Variants in CHIC2 observed in about 807,000 individuals in gnomAD.
The protein encoded by CHIC2 is cysteine-rich hydrophobic domain-containing protein 2.
Under a neutral mutation model 25.9 loss-of-function variants are expected in CHIC2, and 14 were observed. The ratio of observed to expected loss-of-function variants is 0.54; its 90% confidence interval spans 0.36 to 0.85. The LOEUF is 0.85. Among genes scored for constraint, CHIC2 ranks in the 40% least tolerant of loss-of-function variants. The probability of loss-of-function intolerance (pLI) is 0.01; values close to 1 mark genes in which losing one functional copy is unlikely to be tolerated. For synonymous variants in CHIC2, 70 were observed against 72.0 expected (o/e 0.97, Z 0.14); for missense variants, 146 against 202.0 (o/e 0.72, Z 1.68).
the CHIC2 span, among the ~76,000 whole-genome samples, chr4:54,084,454 T>G: frequency 6.6e-6 from 1 of 151,754 alleles, no homozygotes; most frequent in Non-Finnish European, 1.5e-5. Context: ...GCCCATATTG[T>G]TTGGAATCTA....
At chr4:54,049,198 GA>G (rs1716928189) in intron 2 of CHIC2, 52 bp downstream of exon 2, 8 of 1,564,672 alleles carry the variant, frequency 5.1e-6, no homozygotes, top group Non-Finnish European at 6.9e-6. Context: ...AATTTTCTCA[GA>G]AAAAAACTTT....
the CHIC2 span, among the ~76,000 whole-genome samples, chr4:54,078,309 C>A: frequency 6.6e-6 from 1 of 152,132 alleles, no homozygotes. Flanking sequence ...TTGAACAGAG[C>A]AGTCCAGTCA....
At chr4:54,069,915 T>G in the CHIC2 span, among the ~76,000 whole-genome samples, 1 of 152,184 alleles carries the variant, frequency 6.6e-6, no homozygotes, top group South Asian at 2.1e-4. Flanking sequence ...CCCCTGCCTT[T>G]GTGAGCATGA....
At chr4:54,026,974 A>C (rs1716080409) in intron 3 of CHIC2, among the ~76,000 whole-genome samples, 2 of 152,344 alleles carry the variant, frequency 1.3e-5, no homozygotes, top group East Asian at 3.9e-4. Context: ...GACAAATAAC[A>C]TATGTATGAC....
chr4:54,041,570 T>G (rs1188066774), intron 3 of CHIC2, among the ~76,000 whole-genome samples: 1 of 152,166 alleles, frequency 6.6e-6, no homozygotes, highest in Admixed American at 6.5e-5. Context: ...TATCATATCA[T>G]TATTATCATG....
chr4:54,073,022 C>T, the CHIC2 span, among the ~76,000 whole-genome samples: 3 of 151,876 alleles, frequency 2.0e-5, no homozygotes, highest in South Asian at 6.2e-4. Context: ...GAGCCGAGAT[C>T]GTGCCACTGC....
In CHIC2 at chr4:54,064,332, C is replaced by G. The variant is rs1164090834; in HGVS notation, c.-32G>C. The G allele has an allele frequency of 1.9e-6, 3 of 1,611,952 alleles. No homozygotes were observed. Among genetic ancestry groups the G allele is most frequent in the Non-Finnish European group, 1.7e-6 (2 of 1,179,030 alleles). On this transcript the variant is annotated 5_prime_UTR_variant, in exon 1 of 6. Coordinates refer to ENST00000263921, the MANE Select transcript of CHIC2 (RefSeq NM_012110.4). This position sits in a 1 kb window ranked among gnomAD's most constrained non-coding sequence, Gnocchi z 4.2. Reference sequence around the variant, plus strand: ...CCTCCGAGCTCCCCTGCCCAAAGGGCCTGACTCCCGGGGTTGGCGCCGGGG... The same window carrying G: ...CCTCCGAGCTCCCCTGCCCAAAGGGGCTGACTCCCGGGGTTGGCGCCGGGG...
At chr4:54,024,772 C>A (rs1158689624) in intron 3 of CHIC2, among the ~76,000 whole-genome samples, 1 of 152,206 alleles carries the variant, frequency 6.6e-6, no homozygotes, top group Non-Finnish European at 1.5e-5. Flanking sequence ...GTCCTCCCAA[C>A]TCTCAGTCCT....
At chr4:54,054,054 T>C (rs576149675) in intron 1 of CHIC2, among the ~76,000 whole-genome samples, 2 of 152,292 alleles carry the variant, frequency 1.3e-5, no homozygotes, top group Admixed American at 1.3e-4. Context: ...TCCCAAAGTA[T>C]TGGGATTACA....
chr4:54,012,820 T>A (rs1715634108), intron 5 of CHIC2, among the ~76,000 whole-genome samples: 2 of 152,264 alleles, frequency 1.3e-5, no homozygotes, highest in Non-Finnish European at 2.9e-5. Flanking sequence ...TAAGACATTT[T>A]AAAAATATTT....
At chr4:54,039,558 A>G (rs1347074744) in intron 3 of CHIC2, among the ~76,000 whole-genome samples, 1 of 152,198 alleles carries the variant, frequency 6.6e-6, no homozygotes, top group Non-Finnish European at 1.5e-5. Context: ...TTCTATAACT[A>G]ACCATATCAA....
At chr4:54,087,181 T>TG in the CHIC2 span, 1 of 719,676 alleles carries the variant, frequency 1.4e-6, no homozygotes, top group East Asian at 2.6e-5. Context: ...GAAACAGATA[T>TG]GGGGGCAGTA....
chr4:54,037,099 T>G (rs528248546), intron 3 of CHIC2, among the ~76,000 whole-genome samples: 2 of 152,112 alleles, frequency 1.3e-5, no homozygotes, highest in East Asian at 3.9e-4. Flanking sequence ...GCACGGAGGC[T>G]CACACCTGTA....
intron 3 of CHIC2, among the ~76,000 whole-genome samples, chr4:54,046,572 G>T (rs960373382): frequency 1.3e-5 from 2 of 152,116 alleles, no homozygotes; most frequent in Non-Finnish European, 2.9e-5. Context: ...TTAATAAAGG[G>T]TGCTGGGAAA....
chr4:54,021,571 G>A (rs1715899932), intron 3 of CHIC2, among the ~76,000 whole-genome samples: 1 of 152,002 alleles, frequency 6.6e-6, no homozygotes, highest in Non-Finnish European at 1.5e-5. Flanking sequence ...TCCGCGACTA[G>A]CCCTCCCCCA....
At chr4:54,055,327 G>A (rs73818150) in intron 1 of CHIC2, among the ~76,000 whole-genome samples, 3,591 of 152,104 alleles carry the variant, frequency 0.024, 140 homozygotes, top group African/African-American at 0.082. Context: ...CACTCCAGTC[G>A]TGTAGGTGGC....
chr4:54,087,000 T>C, the CHIC2 span: 3 of 977,888 alleles, frequency 3.1e-6, no homozygotes, highest in Non-Finnish European at 4.8e-6. Flanking sequence ...AAAAACCAAC[T>C]AGAAGCAACA....
At chr4:54,070,525 C>G in the CHIC2 span, among the ~76,000 whole-genome samples, 2 of 152,086 alleles carry the variant, frequency 1.3e-5, no homozygotes, top group African/African-American at 4.8e-5. Context: ...CGGATTCAAG[C>G]GATTCTCCTG....
the CHIC2 span, among the ~76,000 whole-genome samples, chr4:54,081,859 G>A: frequency 3.3e-5 from 5 of 152,154 alleles, no homozygotes; most frequent in African/African-American, 1.2e-4. Flanking sequence ...ATAGCACCCA[G>A]CCTAAGTTTT....
Sources: gnomAD v4.1 joint callset for allele counts (sites outside exome capture counted in the v4.1 genomes callset) on GRCh38, gnomAD v4.1.1 for gene constraint, Gnocchi (gnomAD v3.1) non-coding constraint, MANE v1.5 for transcripts, NCBI Gene and HGNC (gene_info 2026-07-23, HGNC 2026-07-21) for gene names.